The following POFUT2 variants were observed in gnomAD, a reference collection of about 807,000 sequenced individuals.
The protein encoded by POFUT2 is GDP-fucose protein O-fucosyltransferase 2.
Under a neutral mutation model 55.0 loss-of-function variants are expected in POFUT2, and 30 were observed. The ratio of observed to expected loss-of-function variants is 0.55; its 90% CI spans 0.41 to 0.74. The LOEUF (loss-of-function observed/expected upper bound fraction) is 0.74. POFUT2 is among the 30% of genes least tolerant of loss of function. The pLI, the probability that POFUT2 is intolerant of heterozygous loss-of-function variation, is 0.00. For missense variants in POFUT2, 524 were observed against 562.6 expected, an observed-to-expected ratio of 0.93 and a Z score of 0.69; for synonymous variants, 267 against 231.1, an observed-to-expected ratio of 1.16 and a Z score of -1.41.
Position 45,265,999 on chromosome 21 carries a change from A to T in POFUT2, c.1137-364T>A, listed in dbSNP as rs2093150362. 2.5e-6 allele frequency: 3 copies of T among 1,209,694 alleles called. No individual in the cohort carries two copies. In the South Asian group the frequency reaches 4.5e-5, roughly 18 times the overall value. 74.9% of individuals were successfully genotyped at this position (1,209,694 alleles called of 1,614,324 possible). A position where few individuals can be genotyped will look rare whatever the true frequency, so the allele number is the denominator to read the frequency against. The stretch of plus-strand genomic sequence containing the variant: ...AATACCTCCTGGGGGTCACATGGTG[A>T]ACAATGAGAGATTCCTACTAACCAC... On this transcript the variant is annotated intron_variant, in intron 8 of 8. Coordinates refer to ENST00000349485, the MANE Select transcript of POFUT2 (RefSeq NM_133635.6). This position sits in a 1 kb window ranked among gnomAD's most constrained non-coding sequence, Gnocchi z 4.6.
Position 45,282,453 on chromosome 21 carries a change from C to T in POFUT2, c.534G>A (p.Trp178Ter), listed in dbSNP as rs773109505. 1 of 1,600,090 alleles carries T rather than the reference C, an allele frequency of 6.2e-7. No individual in the cohort carries two copies. The highest frequency in any genetic ancestry group is 8.6e-7 in the Non-Finnish European group (1 of 1,167,730). ...CCCTGGTCTCCTCATAACCCCAAAA[C>T]CATCCTCTGGAAAACAAAACCCACA... ...SQDKHEYYRG[W>*]FWGYEETRGL... is the part of the protein sequence containing the mutation. The change falls in exon 4 of 9, where the codon TGG (tryptophan) becomes TGA (stop). Residue 178 changes from tryptophan (W) to a stop codon, truncating the protein, a stop_gained. Transcript: ENST00000349485. LOFTEE classifies it high-confidence loss of function. This position sits in a 1 kb window ranked among gnomAD's most constrained non-coding sequence, Gnocchi z 4.6.
rs568955688 is a variant in POFUT2, at chr21:45,281,996, G to C, written c.638+353C>G. Among the ~76,000 whole-genome samples, 7 of 152,224 alleles carry C rather than the reference G, an allele frequency of 4.6e-5. No individual in the cohort carries two copies. The South Asian group carries it at 1.5e-3, about 32-fold the overall frequency. On this transcript the variant is annotated intron_variant, in intron 4 of 8. Coordinates refer to ENST00000349485, the MANE Select transcript of POFUT2 (RefSeq NM_133635.6). This position sits in a 1 kb window ranked among gnomAD's most constrained non-coding sequence, Gnocchi z 5.0. ...ACAGTGGGTGTTGGGTGTGGGGAGG[G>C]GGGAGGTACTGGTAAAAGCTGCCCA...
In POFUT2 at chr21:45,284,243, C is replaced by A. The variant is rs1053064597; in HGVS notation, c.383-716G>T. Among the ~76,000 whole-genome samples, 1 of 151,840 alleles carries A rather than the reference C, an allele frequency of 6.6e-6. No homozygotes were observed. The highest frequency in any genetic ancestry group is 1.5e-5 in the Non-Finnish European group (1 of 67,974). On this transcript the variant is annotated intron_variant, in intron 2 of 8. Coordinates refer to ENST00000349485, the MANE Select transcript of POFUT2 (RefSeq NM_133635.6). The surrounding 1 kb of genome is among the most constrained non-coding windows in gnomAD (Gnocchi z 5.8). Reference sequence around the variant, plus strand: ...CGCAGGTGAAGTTCTGGGGCAGGAACAAAGCGGGAGGGAGCATCGCGAAGG... The same window carrying A: ...CGCAGGTGAAGTTCTGGGGCAGGAAAAAAGCGGGAGGGAGCATCGCGAAGG...
chr21:45,287,866 C>T lies in POFUT2; in HGVS notation c.6G>A (p.Ala2=). Residue 2 remains alanine, a synonymous_variant, in exon 1 of 9, where the codon GCG becomes GCA. Coordinates refer to ENST00000349485, the MANE Select transcript of POFUT2 (RefSeq NM_133635.6). ...GCAGCAGGAAGACGAAGCTGAGTGT[C>T]GCCATGGCCCCGGGCGGCCACGCAC... M[A]TLSFVFLLLG... is the part of the protein sequence containing the mutation. The T allele has an allele frequency of 7.3e-7, 1 of 1,375,162 alleles. No individual in the cohort carries two copies. 85.2% of individuals were successfully genotyped at this position (1,375,162 alleles called of 1,614,324 possible). A position where few individuals can be genotyped will look rare whatever the true frequency, so the allele number is the denominator to read the frequency against.
chr21:45,286,931 G>A (rs2031478230), intron 1 of POFUT2, among the ~76,000 whole-genome samples: 1 of 152,170 alleles, frequency 6.6e-6, no homozygotes, highest in Non-Finnish European at 1.5e-5. Context: ...ATTCACTGCG[G>A]AGCGCCCGCC....
rs976284826 is a variant in POFUT2, at chr21:45,270,207, C to T, written c.832-188G>A. The T allele has an allele frequency of 1.2e-5, 5 of 415,972 alleles. No individual in the cohort carries two copies. Among genetic ancestry groups the T allele is most frequent in the East Asian group, 1.1e-4 (3 of 27,760 alleles). 25.8% of individuals were successfully genotyped at this position (415,972 alleles called of 1,614,324 possible). A position where few individuals can be genotyped will look rare whatever the true frequency, so the allele number is the denominator to read the frequency against. On this transcript the variant is annotated intron_variant, in intron 6 of 8. Transcript: ENST00000349485. The surrounding 1 kb of genome is among the most constrained non-coding windows in gnomAD (Gnocchi z 4.6). ...GCGACCAGATGTCTTTCTAAGAAGA[C>T]AGTGAAGCAGTATTAATTACCAGAA...
intron 2 of POFUT2, 122 bp from the exon 3 acceptor site, chr21:45,283,649 T>C: frequency 9.7e-7 from 1 of 1,029,122 alleles, no homozygotes; most frequent in Non-Finnish European, 1.5e-6. Context: ...AAAGGGAGTG[T>C]AGGAGGCTCA....
At position 45,282,661 on chromosome 21, in the gene POFUT2, C is replaced by A. The variant is rs1192563148; in HGVS notation, c.528-202G>T. On this transcript the variant is annotated intron_variant, in intron 3 of 8. Coordinates refer to ENST00000349485, the MANE Select transcript of POFUT2 (RefSeq NM_133635.6). The surrounding 1 kb of genome is among the most constrained non-coding windows in gnomAD (Gnocchi z 4.6). ...CATGAGTGTCTCTCAGGCTGATGGA[C>A]CACTGAGGCTTTCCCCATGATAGGG... is the stretch of plus-strand genomic sequence containing the variant. 3.4e-6 allele frequency: 2 copies of A among 596,402 alleles called. No individual in the cohort carries two copies. The highest frequency in any genetic ancestry group is 3.0e-6 in the Non-Finnish European group (1 of 329,872). 36.9% of individuals were successfully genotyped at this position (596,402 alleles called of 1,614,324 possible).
In POFUT2 at chr21:45,270,285, G is replaced by A. The variant is rs112695994; in HGVS notation, c.832-266C>T. On this transcript the variant is annotated intron_variant, in intron 6 of 8. Coordinates refer to ENST00000349485, the MANE Select transcript of POFUT2 (RefSeq NM_133635.6). This position sits in a 1 kb window ranked among gnomAD's most constrained non-coding sequence, Gnocchi z 4.6. ...ATTTAAAAAGAGAACAGCATGTGGAGGCTCACGCTGTGAACTTTTCCTCCG... is the reference window on the plus strand; with the variant it reads ...ATTTAAAAAGAGAACAGCATGTGGAAGCTCACGCTGTGAACTTTTCCTCCG... 3.3e-5 allele frequency among the ~76,000 whole-genome samples: 5 copies of A among 152,250 alleles called. No individual in the cohort carries two copies. The highest frequency in any genetic ancestry group is 1.2e-4 in the African/African-American group (5 of 41,526).
chr21:45,282,916 T>C lies in POFUT2; in HGVS notation c.528-457A>G. On this transcript the variant is annotated intron_variant, in intron 3 of 8. Coordinates refer to ENST00000349485, the MANE Select transcript of POFUT2 (RefSeq NM_133635.6). The surrounding 1 kb of genome is among the most constrained non-coding windows in gnomAD (Gnocchi z 4.6). ...AGAGCCTTTAATGGCAATCGACACT[T>C]GGGACTGACAAGACCTCCATCCCTG... 2.1e-6 allele frequency: 1 copy of C among 473,912 alleles called. No homozygotes were observed. Among genetic ancestry groups the C allele is most frequent in the South Asian group, 1.5e-5 (1 of 64,594 alleles). The allele number at this position is 473,912 out of a possible 1,614,324, so 29.4% of individuals were successfully genotyped here. A position where few individuals can be genotyped will look rare whatever the true frequency, so the allele number is the denominator to read the frequency against.
rs1341083892 is a variant in POFUT2 at position 45,270,897 on chromosome 21, G to A, written c.832-878C>T. Among the ~76,000 whole-genome samples the A allele has an allele frequency of 6.6e-6, 1 of 152,224 alleles. No homozygotes were observed. Among genetic ancestry groups the A allele is most frequent in the Non-Finnish European group, 1.5e-5 (1 of 68,038 alleles). Reference sequence around the variant, plus strand: ...GTGGGATAAAAGAATCTGAACAGTAGCCCGTGAGTTCCAGATCTTTCCACT... The same window carrying A: ...GTGGGATAAAAGAATCTGAACAGTAACCCGTGAGTTCCAGATCTTTCCACT... On this transcript the variant is annotated intron_variant, in intron 6 of 8. Transcript: ENST00000349485. This position sits in a 1 kb window ranked among gnomAD's most constrained non-coding sequence, Gnocchi z 4.6.
chr21:45,265,886 G>A lies in POFUT2; in HGVS notation c.1137-251C>T. On this transcript the variant is annotated intron_variant, in intron 8 of 8. Coordinates refer to ENST00000349485, the MANE Select transcript of POFUT2 (RefSeq NM_133635.6). The surrounding 1 kb of genome is among the most constrained non-coding windows in gnomAD (Gnocchi z 4.6). Reference sequence around the variant, plus strand: ...CCCCATCCACACCCCACAGTCAGCAGCCGCCACGCTCCTGTCCCACCGCAT... The same window carrying A: ...CCCCATCCACACCCCACAGTCAGCAACCGCCACGCTCCTGTCCCACCGCAT... 1.5e-6 allele frequency: 2 copies of A among 1,345,386 alleles called. No homozygotes were observed. Among genetic ancestry groups the A allele is most frequent in the Non-Finnish European group, 1.9e-6 (2 of 1,042,052 alleles). The allele number at this position is 1,345,386 out of a possible 1,614,324, so 83.3% of individuals were successfully genotyped here. A position where few individuals can be genotyped will look rare whatever the true frequency, so the allele number is the denominator to read the frequency against.
Position 45,282,692 on chromosome 21 carries a change from CG to C in POFUT2, c.528-234del. ...AGGCTTTCCCCATGATAGGGGCTGG[CG>C]GGATGGCCGGGGAGGCAGAGGGAGC... On this transcript the variant is annotated intron_variant, in intron 3 of 8. Transcript: ENST00000349485. This position sits in a 1 kb window ranked among gnomAD's most constrained non-coding sequence, Gnocchi z 4.6. The C allele has an allele frequency of 1.8e-6, 1 of 557,808 alleles. No homozygotes were observed. The highest frequency in any genetic ancestry group is 3.3e-6 in the Non-Finnish European group (1 of 300,936). The allele number at this position is 557,808 out of a possible 1,614,324, so 34.6% of individuals were successfully genotyped here. A position where few individuals can be genotyped will look rare whatever the true frequency, so the allele number is the denominator to read the frequency against.
chr21:45,274,075 C>T (rs1353567643), intron 6 of POFUT2, among the ~76,000 whole-genome samples: 1 of 152,204 alleles, frequency 6.6e-6, no homozygotes, highest in Non-Finnish European at 1.5e-5. Flanking sequence ...CCTAAAGACT[C>T]ATCCAAAAAG....
intron 7 of POFUT2, among the ~76,000 whole-genome samples, chr21:45,268,800 CGGGA>C: frequency 6.8e-6 from 1 of 146,466 alleles, no homozygotes; most frequent in South Asian, 2.2e-4. Context: ...CCACCCCGTC[CGGGA>C]GGGAGGTGGG....
chr21:45,277,733 C>A lies in POFUT2; in HGVS notation c.705+370G>T. The A allele has an allele frequency of 3.9e-6, 1 of 259,458 alleles. No homozygotes were observed. The highest frequency in any genetic ancestry group is 9.2e-5 in the East Asian group (1 of 10,842). 16.1% of individuals were successfully genotyped at this position (259,458 alleles called of 1,614,324 possible). A position where few individuals can be genotyped will look rare whatever the true frequency, so the allele number is the denominator to read the frequency against. ...CCATCAATGCGGAAATCAACGCCAA[C>A]GGAAAAGACCCGCTGCAGAGAATAG... On this transcript the variant is annotated intron_variant, in intron 5 of 8. Coordinates refer to ENST00000349485, the MANE Select transcript of POFUT2 (RefSeq NM_133635.6). The surrounding 1 kb of genome is among the most constrained non-coding windows in gnomAD (Gnocchi z 6.9).
In POFUT2 at chr21:45,285,298, A is replaced by C. The variant is rs952953692; in HGVS notation, c.382+380T>G. Reference sequence around the variant, plus strand: ...ATCCCTGGCGCTGCACTGAGACACCACGAAGCATACTCCACACGCAGTGCG... The same window carrying C: ...ATCCCTGGCGCTGCACTGAGACACCCCGAAGCATACTCCACACGCAGTGCG... On this transcript the variant is annotated intron_variant, in intron 2 of 8. Coordinates refer to ENST00000349485, the MANE Select transcript of POFUT2 (RefSeq NM_133635.6). This position sits in a 1 kb window ranked among gnomAD's most constrained non-coding sequence, Gnocchi z 4.9. 2.9e-5 allele frequency: 9 copies of C among 313,978 alleles called. No homozygotes were observed. Among genetic ancestry groups the C allele is most frequent in the Non-Finnish European group, 5.6e-5 (9 of 160,108 alleles). The allele number at this position is 313,978 out of a possible 1,614,324, so 19.4% of individuals were successfully genotyped here. A position where few individuals can be genotyped will look rare whatever the true frequency, so the allele number is the denominator to read the frequency against.
intron 8 of POFUT2, chr21:45,266,694 G>C: frequency 9.9e-7 from 1 of 1,006,254 alleles, no homozygotes; most frequent in Non-Finnish European, 1.2e-6. Flanking sequence ...CGGAGCCTCT[G>C]TGGGTCTTAC....
chr21:45,264,543 C>T lies in POFUT2; in HGVS notation c.*939G>A, dbSNP rs1272708421. On this transcript the variant is annotated 3_prime_UTR_variant, in exon 9 of 9. Coordinates refer to ENST00000349485, the MANE Select transcript of POFUT2 (RefSeq NM_133635.6). ...CCCTGATAAAGCAGCTCATCCTAGA[C>T]AGCCTTTTGGAGTTAGCGTAACTGT... The T allele has an allele frequency of 6.6e-6, 1 of 152,272 alleles. No individual in the cohort carries two copies. The highest frequency in any genetic ancestry group is 1.5e-5 in the Non-Finnish European group (1 of 68,072). The allele number at this position is 152,272 out of a possible 1,614,324, so 9.4% of individuals were successfully genotyped here. A position where few individuals can be genotyped will look rare whatever the true frequency, so the allele number is the denominator to read the frequency against.
Sources: gnomAD v4.1 joint callset for allele counts (sites outside exome capture counted in the v4.1 genomes callset) on GRCh38, gnomAD v4.1.1 for gene constraint, Gnocchi (gnomAD v3.1) non-coding constraint, MANE v1.5 for transcripts, NCBI Gene and HGNC (gene_info 2026-07-23, HGNC 2026-07-21) for gene names.